TBC1D15: variants seen among roughly 807,000 people sequenced by gnomAD.
TBC1D15 encodes the protein GAP for RAB7.
TBC1D15 carries 39 observed loss-of-function variants against 95.4 expected under a neutral mutation model. The ratio of observed to expected loss-of-function variants is 0.41; its 90% CI spans 0.32 to 0.53. TBC1D15 has a LOEUF of 0.53. Among genes scored for constraint, TBC1D15 ranks in the 20% least tolerant of loss-of-function variants. The pLI is 0.29. For synonymous variants in TBC1D15, 258 were observed against 261.3 expected (o/e 0.99, Z 0.12); for missense variants, 733 against 794.3 (o/e 0.92, Z 0.93).
chr12:71,882,400 A>T (rs1253568040), intron 4 of TBC1D15, among the ~76,000 whole-genome samples: 2 of 152,196 alleles, frequency 1.3e-5, no homozygotes. Flanking sequence ...TTTAAGGCAT[A>T]TAGAGACTTA....
At position 71,856,376 on chromosome 12, in the gene TBC1D15, A is replaced by G. The variant is rs79122359; in HGVS notation, c.31-15694A>G. On this transcript the variant is annotated intron_variant, in intron 1 of 16. Transcript: ENST00000485960. ...TAACAGTCATGAGAATGTATTGCCT[A>G]TACATTCTTTTGCTGTTTTAGATGC... 6.2e-4 allele frequency among the ~76,000 whole-genome samples: 94 copies of G among 152,220 alleles called. No homozygotes were observed. The East Asian group carries it at 0.017, about 28-fold the overall frequency.
chr12:71,904,546 G>A (rs919803513), intron 10 of TBC1D15, among the ~76,000 whole-genome samples: 1 of 152,094 alleles, frequency 6.6e-6, no homozygotes, highest in Non-Finnish European at 1.5e-5. Flanking sequence ...TGAAGAGGGA[G>A]GTAATTACTA....
chr12:71,863,233 C>G (rs1363495806), intron 1 of TBC1D15, among the ~76,000 whole-genome samples: 1 of 151,986 alleles, frequency 6.6e-6, no homozygotes, highest in Admixed American at 6.6e-5. Context: ...AAAAAATTAG[C>G]CAGGTGTGGT....
intron 1 of TBC1D15, chr12:71,861,556 T>A (rs1890371167): frequency 2.9e-6 from 4 of 1,397,692 alleles, no homozygotes; most frequent in Non-Finnish European, 3.8e-6. Context: ...GTATAGTTTT[T>A]AAATTTCTGA....
At chr12:71,893,830 T>A (rs2138680654) in intron 6 of TBC1D15, among the ~76,000 whole-genome samples, 1 of 152,096 alleles carries the variant, frequency 6.6e-6, no homozygotes, top group African/African-American at 2.4e-5. Context: ...GATGACTATG[T>A]AAAGTAATGA....
chr12:71,884,765 T>C, intron 4 of TBC1D15, 46 bp from the exon 5 acceptor site: 1 of 1,594,834 alleles, frequency 6.3e-7, no homozygotes, highest in Non-Finnish European at 8.6e-7. Context: ...CAGTACCTTT[T>C]AAAAAGGTGA....
chr12:71,865,929 G>T (rs76691066), intron 1 of TBC1D15, among the ~76,000 whole-genome samples: 3,214 of 152,108 alleles, frequency 0.021, 180 homozygotes, highest in Admixed American at 0.13. Flanking sequence ...TTGGGTACTG[G>T]GGTGTGTTAC....
intron 11 of TBC1D15, among the ~76,000 whole-genome samples, chr12:71,910,113 T>C (rs1420212158): frequency 2.0e-5 from 3 of 152,066 alleles, no homozygotes; most frequent in Non-Finnish European, 4.4e-5. Context: ...ATTTATTAAA[T>C]AGGGAATCCT....
chr12:71,878,829 T>TA (rs755589706), intron 3 of TBC1D15, among the ~76,000 whole-genome samples: 5,561 of 142,794 alleles, frequency 0.039, 235 homozygotes, highest in African/African-American at 0.1. Context: ...AGGGTTGATT[T>TA]AAAAAAAAAA....
At chr12:71,854,116 T>A (rs1255628408) in intron 1 of TBC1D15, among the ~76,000 whole-genome samples, 1 of 152,200 alleles carries the variant, frequency 6.6e-6, no homozygotes, top group East Asian at 1.9e-4. Flanking sequence ...TCTCTCCCTT[T>A]CCCATAGCTG....
At position 71,864,430 on chromosome 12, in the gene TBC1D15, C is replaced by T. The variant is rs116416074; in HGVS notation, c.31-7640C>T. Among the ~76,000 whole-genome samples the T allele has an allele frequency of 4.3e-3, 649 of 151,634 alleles. 5 individuals carry two copies. The highest frequency in any genetic ancestry group is 0.014 in the African/African-American group (599 of 41,356). On this transcript the variant is annotated intron_variant, in intron 1 of 16. Transcript: ENST00000485960. ...TCCTTGCATCTAGTGGAACAATTCC[C>T]TTTCTAAACTCTGTAGAGTGGCTTT...
chr12:71,849,480 A>C, intron 1 of TBC1D15: 2 of 836,232 alleles, frequency 2.4e-6, no homozygotes, highest in Non-Finnish European at 2.1e-6. Context: ...TCCAAAAGCA[A>C]CTTCCATTAC....
intron 9 of TBC1D15, 142 bp from the exon 10 acceptor site, chr12:71,897,705 C>T (rs991017018): frequency 1.1e-5 from 6 of 554,224 alleles, no homozygotes; most frequent in African/African-American, 3.9e-5. Flanking sequence ...TAACTTTAAA[C>T]GTTTTGCTAT....
intron 1 of TBC1D15, chr12:71,849,264 G>A: frequency 4.1e-6 from 3 of 729,872 alleles, no homozygotes; most frequent in South Asian, 1.6e-5. Context: ...AGTGCATCAG[G>A]TCTGAGACTG....
chr12:71,888,435 C>CTT (rs1381108663), intron 5 of TBC1D15, among the ~76,000 whole-genome samples: 13 of 150,784 alleles, frequency 8.6e-5, no homozygotes, highest in Non-Finnish European at 1.8e-4. Context: ...CATTGCACTC[C>CTT]ATCCAGCCTA....
intron 11 of TBC1D15, among the ~76,000 whole-genome samples, chr12:71,908,295 T>G (rs1354072856): frequency 6.6e-6 from 1 of 152,214 alleles, no homozygotes; most frequent in African/African-American, 2.4e-5. Flanking sequence ...GATATTTATT[T>G]AAAGAACCAA....
intron 1 of TBC1D15, chr12:71,849,208 A>G (rs368252558): frequency 2.0e-5 from 9 of 451,318 alleles, no homozygotes; most frequent in East Asian, 3.5e-5. Context: ...TTCAGTGTCC[A>G]TAGGGTTGTT....
At chr12:71,877,245 A>T in intron 3 of TBC1D15, among the ~76,000 whole-genome samples, 1 of 137,076 alleles carries the variant, frequency 7.3e-6, no homozygotes, top group Non-Finnish European at 1.6e-5. Context: ...AGAAGCTTTT[A>T]ATTATTGTCT....
Position 71,880,546 on chromosome 12 carries a change from C to T in TBC1D15, c.282C>T (p.Tyr94=), listed in dbSNP as rs563190380. The T allele has an allele frequency of 7.4e-5, 120 of 1,613,344 alleles. 1 individual carries two copies. The South Asian group carries it at 1.1e-3, about 14-fold the overall frequency. ...GHRGSEHLNS[Y]EAEWDMVNTV... is the part of the protein sequence containing the mutation. ...GAGGATCAGAACATCTGAACAGTTA[C>T]GAAGCAGAATGGGACATGGTTAATA... The change falls in exon 4 of 17, where the codon TAC becomes TAT. Residue 94 remains tyrosine, a synonymous_variant. Transcript: ENST00000485960.
Sources: gnomAD v4.1 joint callset for allele counts (sites outside exome capture counted in the v4.1 genomes callset) on GRCh38, gnomAD v4.1.1 for gene constraint, MANE v1.5 for transcripts, NCBI Gene and HGNC (gene_info 2026-07-23, HGNC 2026-07-21) for gene names.